The following BAZ2B variants were observed in gnomAD, a reference collection of about 807,000 sequenced individuals.
BAZ2B encodes bromodomain adjacent to zinc finger domain protein 2B.
Under a neutral mutation model 246.0 loss-of-function variants are expected in BAZ2B, and 91 were observed. That is an observed-to-expected ratio of 0.37 (90% CI 0.31 to 0.44). BAZ2B has a LOEUF of 0.44. Among genes scored for constraint, BAZ2B ranks in the 20% least tolerant of loss-of-function variants. The pLI is 1.00. For synonymous variants in BAZ2B, 855 were observed against 860.0 expected, an observed-to-expected ratio of 0.99 and a Z score of 0.10; for missense variants, 2,332 against 2,533.7, an observed-to-expected ratio of 0.92 and a Z score of 1.71.
intron 33 of BAZ2B, among the ~76,000 whole-genome samples, chr2:159,334,816 T>C (rs572777778): frequency 1.4e-4 from 22 of 152,348 alleles, no homozygotes; most frequent in Non-Finnish European, 2.6e-4. Context: ...AAGTTTATAA[T>C]AAAACTGAAC....
chr2:159,424,695 T>C (rs905296880), intron 13 of BAZ2B, among the ~76,000 whole-genome samples: 2 of 152,184 alleles, frequency 1.3e-5, no homozygotes, highest in African/African-American at 2.4e-5. Flanking sequence ...CCTCCCTCTA[T>C]GAATACCAGT....
chr2:159,537,215 T>C (rs1230979019), intron 2 of BAZ2B, among the ~76,000 whole-genome samples: 1 of 152,142 alleles, frequency 6.6e-6, no homozygotes, highest in Non-Finnish European at 1.5e-5. Context: ...GTCAAAATCA[T>C]AGAGACAGGA....
the BAZ2B span, among the ~76,000 whole-genome samples, chr2:159,697,039 G>A: frequency 6.6e-6 from 1 of 152,168 alleles, no homozygotes; most frequent in Non-Finnish European, 1.5e-5. Context: ...ACTTGCCTCA[G>A]CCTCCCAAAG....
At chr2:159,439,872 G>A (rs2073064571) in intron 6 of BAZ2B, among the ~76,000 whole-genome samples, 1 of 152,086 alleles carries the variant, frequency 6.6e-6, no homozygotes, top group East Asian at 1.9e-4. Context: ...GGTAGAAGAT[G>A]AGGTAGATAA....
At chr2:159,691,051 G>A in the BAZ2B span, among the ~76,000 whole-genome samples, 1 of 151,944 alleles carries the variant, frequency 6.6e-6, no homozygotes, top group Non-Finnish European at 1.5e-5. Context: ...ATACATCAAA[G>A]GTGTGTATAT....
chr2:159,481,062 C>G (rs1290592168), intron 2 of BAZ2B, among the ~76,000 whole-genome samples: 1 of 109,500 alleles, frequency 9.1e-6, no homozygotes, highest in African/African-American at 3.9e-5. Context: ...TTACACATAC[C>G]CTTTTTTTGT....
At chr2:159,377,919 G>A (rs2061594116) in intron 25 of BAZ2B, among the ~76,000 whole-genome samples, 1 of 151,744 alleles carries the variant, frequency 6.6e-6, no homozygotes, top group Non-Finnish European at 1.5e-5. Context: ...TAAAATGTAT[G>A]GTTTGTTAGT....
At position 159,453,593 on chromosome 2, in the gene BAZ2B, T is replaced by C. The variant is rs766065217; in HGVS notation, c.334+20A>G. The C allele has an allele frequency of 6.4e-6, 10 of 1,561,040 alleles. No homozygotes were observed. Among genetic ancestry groups the C allele is most frequent in the Non-Finnish European group, 8.7e-6 (10 of 1,151,164 alleles). The stretch of plus-strand genomic sequence containing the variant: ...AAGCTTTCCTCCTTCCCTTGAACAC[T>C]GTTTGTAACAGATGTTTACCTGGAA... On this transcript the variant is annotated intron_variant, in intron 4 of 36. Transcript: ENST00000392783.
the BAZ2B span, among the ~76,000 whole-genome samples, chr2:159,662,311 ATTTG>A: frequency 6.6e-6 from 1 of 152,146 alleles, no homozygotes; most frequent in African/African-American, 2.4e-5. Context: ...ATGCACAAGT[ATTTG>A]TTTGGGTATC....
chr2:159,591,258 A>G (rs1689337590), intron 1 of BAZ2B, among the ~76,000 whole-genome samples: 1 of 152,258 alleles, frequency 6.6e-6, no homozygotes, highest in Non-Finnish European at 1.5e-5. Context: ...ACAACTCTGA[A>G]GCAAATGAAA....
intron 3 of BAZ2B, among the ~76,000 whole-genome samples, chr2:159,478,011 G>A (rs2078816088): frequency 6.6e-6 from 1 of 152,160 alleles, no homozygotes; most frequent in South Asian, 2.1e-4. Flanking sequence ...TAGTAGAGAT[G>A]AGGTTTCCCC....
intron 33 of BAZ2B, among the ~76,000 whole-genome samples, chr2:159,336,696 C>G (rs2065726419): frequency 1.3e-5 from 2 of 152,186 alleles, no homozygotes; most frequent in South Asian, 4.2e-4. Context: ...GAGACAACTT[C>G]AGTTAGAGGT....
At chr2:159,352,435 A>T (rs1432609827) in intron 27 of BAZ2B, among the ~76,000 whole-genome samples, 1 of 151,480 alleles carries the variant, frequency 6.6e-6, no homozygotes, top group Non-Finnish European at 1.5e-5. Flanking sequence ...CCTCCCACGT[A>T]CTAGAATTTA....
chr2:159,321,722 T>A (rs2062738940), intron 36 of BAZ2B: 1 of 151,952 alleles, frequency 6.6e-6, no homozygotes, highest in African/African-American at 2.4e-5. Context: ...ATTGAGCTCA[T>A]GGAAACAGAG....
At chr2:159,624,412 T>C in the BAZ2B span, among the ~76,000 whole-genome samples, 9 of 152,270 alleles carry the variant, frequency 5.9e-5, no homozygotes, top group East Asian at 1.2e-3. Context: ...CACCTCCCAG[T>C]AGGGGCTGAC....
At chr2:159,533,390 G>A (rs13431445) in intron 2 of BAZ2B, among the ~76,000 whole-genome samples, 4,752 of 152,208 alleles carry the variant, frequency 0.031, 252 homozygotes, top group African/African-American at 0.11. Flanking sequence ...GAGTCTCACC[G>A]TAAACTAGCT....
intron 2 of BAZ2B, among the ~76,000 whole-genome samples, chr2:159,545,042 G>C (rs546817203): frequency 6.6e-6 from 1 of 152,272 alleles, no homozygotes; most frequent in South Asian, 2.1e-4. Flanking sequence ...AAAGTAAAAT[G>C]TACTTGCTAT....
intron 14 of BAZ2B, 43 bp downstream of exon 14, chr2:159,412,292 T>C: frequency 6.3e-7 from 1 of 1,575,398 alleles, no homozygotes; most frequent in East Asian, 2.2e-5. Flanking sequence ...TTTAGTATAC[T>C]TTTTAGTATG....
chr2:159,366,965 G>C (rs971895451), intron 27 of BAZ2B, among the ~76,000 whole-genome samples: 1 of 151,370 alleles, frequency 6.6e-6, no homozygotes, highest in South Asian at 2.1e-4. Flanking sequence ...AAATGGGCAT[G>C]GGGGCTCTCT....
Sources: allele counts gnomAD v4.1 joint callset (sites outside exome capture counted in the v4.1 genomes callset), GRCh38; gene constraint gnomAD v4.1.1; transcripts MANE v1.5; gene names NCBI Gene and HGNC (gene_info 2026-07-23, HGNC 2026-07-21).